SOX5: variants seen among roughly 807,000 people sequenced by gnomAD.
SOX5 encodes SRY-box transcription factor 5.
A neutral mutation model predicts 92.0 loss-of-function variants in SOX5; 9 were observed. That is an observed-to-expected ratio of 0.10 (90% CI 0.06 to 0.17). The LOEUF is 0.17. Ranked by LOEUF, SOX5 falls within the 10% of genes least tolerant of loss-of-function variation. The pLI is 1.00. For missense variants in SOX5, 642 were observed against 944.5 expected (o/e 0.68, Z 4.20); for synonymous variants, 344 against 336.3 (o/e 1.02, Z -0.25).
At chr12:23,543,685 T>A (rs576989116) in intron 12 of SOX5, among the ~76,000 whole-genome samples, 1 of 152,302 alleles carries the variant, frequency 6.6e-6, no homozygotes, top group Admixed American at 6.5e-5. Context: ...TTTGATGCAA[T>A]TCGGAAAGAG....
chr12:23,837,221 A>T (rs971528329), intron 3 of SOX5, among the ~76,000 whole-genome samples: 2 of 120,730 alleles, frequency 1.7e-5, no homozygotes, highest in Non-Finnish European at 3.4e-5. Flanking sequence ...TATTTATATG[A>T]TATATAATAT....
chr12:23,716,167 A>C (rs1378543303), intron 6 of SOX5, among the ~76,000 whole-genome samples: 2 of 152,228 alleles, frequency 1.3e-5, no homozygotes, highest in East Asian at 1.9e-4. Flanking sequence ...TATGCAACTT[A>C]ATTAATGTAA....
intron 1 of SOX5, among the ~76,000 whole-genome samples, chr12:24,457,913 G>C (rs1019738902): frequency 1.3e-5 from 2 of 152,110 alleles, no homozygotes; most frequent in Non-Finnish European, 2.9e-5. Flanking sequence ...AAAATACTAA[G>C]AGTGTTCTCT....
chr12:23,784,852 G>A (rs1342666218), intron 3 of SOX5, among the ~76,000 whole-genome samples: 2 of 152,136 alleles, frequency 1.3e-5, no homozygotes, highest in Non-Finnish European at 2.9e-5. Context: ...TAAGGTGGGA[G>A]GAATGCTTGA....
At chr12:24,062,595 G>A (rs1483280546) in intron 4 of SOX5, among the ~76,000 whole-genome samples, 1 of 152,188 alleles carries the variant, frequency 6.6e-6, no homozygotes, top group Non-Finnish European at 1.5e-5. Flanking sequence ...TAGGCAGAAG[G>A]GTGGGGCCTC....
At chr12:24,519,548 G>A (rs1950085796) in intron 1 of SOX5, among the ~76,000 whole-genome samples, 3 of 152,278 alleles carry the variant, frequency 2.0e-5, no homozygotes, top group South Asian at 2.1e-4. Context: ...GTTCTATGCA[G>A]CAGAAACAGG....
chr12:24,044,936 C>G (rs1415843796), intron 4 of SOX5, among the ~76,000 whole-genome samples: 1 of 152,202 alleles, frequency 6.6e-6, no homozygotes, highest in Non-Finnish European at 1.5e-5. Context: ...GTAGCATGTT[C>G]TAACTGTTTT....
Position 24,171,218 on chromosome 12 carries a change from TTTGTTTGTTTG to T in SOX5, c.-2+42114_-2+42124del, listed in dbSNP as rs1954088578. 4.4e-4 allele frequency among the ~76,000 whole-genome samples: 6 copies of T among 13,712 alleles called. 1 individual carries two copies. The South Asian group carries it at 0.013, about 29-fold the overall frequency. 9.0% of individuals were successfully genotyped at this position (13,712 alleles called of 152,430 possible). The stretch of plus-strand genomic sequence containing the variant: ...TTTCATTGGCCAACAGTTTTTTTTG[TTTGTTTGTTTG>T]TTTTTTTTTTTGGAGACAGAGTCTC... On this transcript the variant is annotated intron_variant, in intron 4 of 4. Transcript: ENST00000446891.
chr12:24,067,534 T>C (rs1940953712), intron 4 of SOX5, among the ~76,000 whole-genome samples: 1 of 152,084 alleles, frequency 6.6e-6, no homozygotes, highest in Non-Finnish European at 1.5e-5. Context: ...GAAGATGATA[T>C]CATTATTATA....
chr12:23,946,783 C>A (rs1944664243), intron 1 of SOX5, among the ~76,000 whole-genome samples: 1 of 151,880 alleles, frequency 6.6e-6, no homozygotes, highest in Admixed American at 6.6e-5. Context: ...ATTTGCTTCC[C>A]ACCTTGGAGT....
At chr12:24,087,443 A>T (rs1374784745) in intron 4 of SOX5, among the ~76,000 whole-genome samples, 4 of 152,062 alleles carry the variant, frequency 2.6e-5, no homozygotes, top group Non-Finnish European at 5.9e-5. Flanking sequence ...GTGTTTATTA[A>T]AGTGTACAGA....
At chr12:23,800,387 A>G (rs2095639103) in intron 3 of SOX5, among the ~76,000 whole-genome samples, 1 of 152,164 alleles carries the variant, frequency 6.6e-6, no homozygotes, top group Non-Finnish European at 1.5e-5. Flanking sequence ...CTAACTCCAT[A>G]CATATTTGCT....
intron 4 of SOX5, among the ~76,000 whole-genome samples, chr12:24,137,099 G>A (rs1303593494): frequency 1.3e-5 from 2 of 152,190 alleles, no homozygotes; most frequent in African/African-American, 2.4e-5. Flanking sequence ...TCATGATCCA[G>A]TTTCCAAAAT....
rs1163026117 is a variant in SOX5, at chr12:24,295,512, AC to A, written c.-173-18201del. On this transcript the variant is annotated intron_variant, in intron 2 of 4. Transcript: ENST00000446891. The stretch of plus-strand genomic sequence containing the variant: ...TTCTTGCTCTGAATTATTTGTGCTC[AC>A]TAAAGGATATTTTGTTCAGTGAAAC... 1.1e-4 allele frequency among the ~76,000 whole-genome samples: 16 copies of A among 152,330 alleles called. No individual in the cohort carries two copies. In the East Asian group the frequency reaches 3.1e-3, roughly 29 times the overall value.
At chr12:23,691,951 T>C (rs2088897141) in intron 6 of SOX5, among the ~76,000 whole-genome samples, 1 of 152,130 alleles carries the variant, frequency 6.6e-6, no homozygotes, top group Non-Finnish European at 1.5e-5. Flanking sequence ...ATTTCTTGAG[T>C]GGACAGTGAC....
At chr12:23,623,463 A>G (rs1303304759) in intron 8 of SOX5, among the ~76,000 whole-genome samples, 3 of 152,144 alleles carry the variant, frequency 2.0e-5, no homozygotes, top group African/African-American at 7.2e-5. Flanking sequence ...AGCCCCAAGT[A>G]GCAAATCTAG....
chr12:23,864,455 A>T (rs1240182799), intron 2 of SOX5, among the ~76,000 whole-genome samples: 1 of 152,214 alleles, frequency 6.6e-6, no homozygotes, highest in African/African-American at 2.4e-5. Flanking sequence ...GCCAAAAGCT[A>T]GGCCTCTTGC....
Position 23,529,926 on chromosome 12 carries a change from A to C in SOX5, c.*4293T>G, listed in dbSNP as rs1455233747. On this transcript the variant is annotated 3_prime_UTR_variant, in exon 15 of 15. Transcript: ENST00000451604. Reference sequence around the variant, plus strand: ...ATATTAGAAGGACTAAGAGCTTTAGAGCCAGTGGAGCTATATAAATACTGT... The same window carrying C: ...ATATTAGAAGGACTAAGAGCTTTAGCGCCAGTGGAGCTATATAAATACTGT... 6.6e-6 allele frequency: 1 copy of C among 152,210 alleles called. No homozygotes were observed. The highest frequency in any genetic ancestry group is 1.5e-5 in the Non-Finnish European group (1 of 68,028). The allele number at this position is 152,210 out of a possible 1,614,324, so 9.4% of individuals were successfully genotyped here.
chr12:23,834,070 G>A (rs1365141492), intron 3 of SOX5, among the ~76,000 whole-genome samples: 1 of 151,944 alleles, frequency 6.6e-6, no homozygotes, highest in Non-Finnish European at 1.5e-5. Flanking sequence ...GAACTATAGA[G>A]ATGAGTTAGC....
Sources: allele counts gnomAD v4.1 joint callset (sites outside exome capture counted in the v4.1 genomes callset), GRCh38; gene constraint gnomAD v4.1.1; transcripts MANE v1.5; gene names NCBI Gene and HGNC (gene_info 2026-07-23, HGNC 2026-07-21).